The following TLN2 variants were observed in gnomAD, a reference collection of about 807,000 sequenced individuals.
TLN2 encodes the protein talin 2.
TLN2 carries 118 observed loss-of-function variants against 294.7 expected under a neutral mutation model. The ratio of observed to expected loss-of-function variants is 0.40; its 90% confidence interval spans 0.34 to 0.47. TLN2 has a LOEUF of 0.47. TLN2 is among the 20% of genes least tolerant of loss of function. The pLI is 0.84. For missense variants in TLN2, 3,083 were observed against 3,282.2 expected (o/e 0.94, Z 1.48); for synonymous variants, 1,431 against 1,304.5 (o/e 1.10, Z -2.09).
intron 1 of TLN2, among the ~76,000 whole-genome samples, chr15:62,423,013 C>T (rs1370526425): frequency 6.6e-6 from 1 of 152,218 alleles, no homozygotes; most frequent in Non-Finnish European, 1.5e-5. Context: ...CAGTGTAGTG[C>T]AGCCTGCAGC....
chr15:62,504,846 TGAGAGA>T (rs56056575), intron 1 of TLN2, among the ~76,000 whole-genome samples: 455 of 144,434 alleles, frequency 3.2e-3, no homozygotes, highest in African/African-American at 6.4e-3. Context: ...TGTGTGTGTG[TGAGAGA>T]GAGAGAGAGA....
At chr15:62,835,649 C>A in intron 55 of TLN2, 88 bp from the exon 56 acceptor site, 1 of 1,472,950 alleles carries the variant, frequency 6.8e-7, no homozygotes, top group South Asian at 1.1e-5. Context: ...GGGTACAAGT[C>A]TGGTTCCCGA....
intron 1 of TLN2, among the ~76,000 whole-genome samples, chr15:62,422,539 A>C (rs963953364): frequency 6.6e-6 from 1 of 152,198 alleles, no homozygotes; most frequent in Non-Finnish European, 1.5e-5. Flanking sequence ...GCCATTTACT[A>C]TGCAGCTTTT....
At chr15:62,819,405 G>A in intron 52 of TLN2, 111 bp from the exon 53 acceptor site, 1 of 839,772 alleles carries the variant, frequency 1.2e-6, no homozygotes, top group South Asian at 1.5e-5. Flanking sequence ...GGACAGAGAT[G>A]CAACTTAAAA....
At chr15:62,469,495 C>T (rs1026228919) in intron 1 of TLN2, among the ~76,000 whole-genome samples, 1 of 152,192 alleles carries the variant, frequency 6.6e-6, no homozygotes, top group African/African-American at 2.4e-5. Flanking sequence ...TTTAAATTGG[C>T]CCCAGAGGAA....
Position 62,432,995 on chromosome 15 carries a change from A to G in TLN2, c.-238+42310A>G, listed in dbSNP as rs114197176. The stretch of plus-strand genomic sequence containing the variant: ...CATAGTTTCTGAAATAGACCACAGC[A>G]TATGCCACTTGGTTTCTATTTTAAG... On this transcript the variant is annotated intron_variant, in intron 1 of 58. Transcript: ENST00000636159. Among the ~76,000 whole-genome samples the G allele has an allele frequency of 8.3e-3, 1,261 of 152,292 alleles. 16 individuals are homozygous for G. Among genetic ancestry groups the G allele is most frequent in the African/African-American group, 0.029 (1,191 of 41,546 alleles).
At chr15:62,425,337 G>T (rs1220523114) in intron 1 of TLN2, among the ~76,000 whole-genome samples, 1 of 152,156 alleles carries the variant, frequency 6.6e-6, no homozygotes, top group African/African-American at 2.4e-5. Context: ...GCCTGCGGTT[G>T]ATCTCCAGCA....
intron 1 of TLN2, among the ~76,000 whole-genome samples, chr15:62,528,277 G>A (rs1382031887): frequency 2.6e-5 from 4 of 152,082 alleles, no homozygotes; most frequent in Non-Finnish European, 2.9e-5. Context: ...TAATGCTATG[G>A]TAGCCTCCAA....
intron 1 of TLN2, among the ~76,000 whole-genome samples, chr15:62,579,515 G>T (rs1471288321): frequency 6.6e-6 from 1 of 152,164 alleles, no homozygotes; most frequent in South Asian, 2.1e-4. Context: ...GTTGCTGGGG[G>T]CTGAGAAGAC....
chr15:62,568,536 G>T (rs562091596), intron 1 of TLN2, among the ~76,000 whole-genome samples: 1 of 152,224 alleles, frequency 6.6e-6, no homozygotes, highest in African/African-American at 2.4e-5. Context: ...AGCACAGTGC[G>T]TGGCCCATGG....
rs190025758 is a variant in TLN2, at chr15:62,481,641, G to A, written c.-238+90956G>A. The stretch of plus-strand genomic sequence containing the variant: ...CTCCCAAAGTGCTGGGATTACAGGC[G>A]TGAGCCTCTACACCCAGCCAAGAAA... On this transcript the variant is annotated intron_variant, in intron 1 of 58. Transcript: ENST00000636159. Among the ~76,000 whole-genome samples, 15 of 152,076 alleles carry A rather than the reference G, an allele frequency of 9.9e-5. No individual in the cohort carries two copies. In the East Asian group the frequency reaches 1.9e-3, roughly 20 times the overall value.
chr15:62,748,969 A>G (rs1298602742), intron 33 of TLN2, among the ~76,000 whole-genome samples: 2 of 152,344 alleles, frequency 1.3e-5, no homozygotes, highest in African/African-American at 4.8e-5. Context: ...GGCCCAGAAC[A>G]CAGTGTGGGT....
intron 1 of TLN2, among the ~76,000 whole-genome samples, chr15:62,450,601 G>T (rs2036076985): frequency 6.6e-6 from 1 of 151,816 alleles, no homozygotes; most frequent in Non-Finnish European, 1.5e-5. Flanking sequence ...TTGAGACAGG[G>T]TCTGACTTTG....
At chr15:62,524,701 T>A (rs756556733) in intron 1 of TLN2, among the ~76,000 whole-genome samples, 1 of 152,188 alleles carries the variant, frequency 6.6e-6, no homozygotes, top group Non-Finnish European at 1.5e-5. Flanking sequence ...TTCATTCAAA[T>A]TCACAGCTTT....
chr15:62,516,047 T>C (rs1292336995), intron 1 of TLN2, among the ~76,000 whole-genome samples: 3 of 152,180 alleles, frequency 2.0e-5, no homozygotes, highest in Admixed American at 1.3e-4. Context: ...CTGAAGACAT[T>C]TGATTAGTGT....
At chr15:62,642,957 C>T (rs2051315943) in intron 3 of TLN2, among the ~76,000 whole-genome samples, 2 of 152,322 alleles carry the variant, frequency 1.3e-5, no homozygotes, top group Admixed American at 1.3e-4. Flanking sequence ...CCAACTCGGC[C>T]TCCCAAAGTG....
rs1310613739 is a variant in TLN2 at position 62,675,203 on chromosome 15, T to C, written c.853-14T>C. ...AGATGCAATAACTGGTCCCGACCAC[T>C]GTCACTTTTGCAGGAGCATAAGAAC... On this transcript the variant is annotated splice_polypyrimidine_tract_variant and intron_variant, in intron 10 of 58. Coordinates refer to ENST00000636159, the MANE Select transcript of TLN2 (RefSeq NM_015059.3). 9.9e-6 allele frequency: 16 copies of C among 1,613,650 alleles called. No individual in the cohort carries two copies. The Admixed American group carries it at 1.3e-4, about 13-fold the overall frequency.
chr15:62,544,606 C>A (rs1458866253), intron 1 of TLN2, among the ~76,000 whole-genome samples: 1 of 152,170 alleles, frequency 6.6e-6, no homozygotes, highest in Non-Finnish European at 1.5e-5. Context: ...TTTTCATTTC[C>A]TGGAGACCGC....
intron 50 of TLN2, among the ~76,000 whole-genome samples, chr15:62,802,609 A>C (rs1185529217): frequency 6.6e-6 from 1 of 152,210 alleles, no homozygotes; most frequent in Non-Finnish European, 1.5e-5. Context: ...GGATTGCTGG[A>C]TCACAAAGTA....
Sources: allele counts gnomAD v4.1 joint callset (sites outside exome capture counted in the v4.1 genomes callset), GRCh38; gene constraint gnomAD v4.1.1; transcripts MANE v1.5; gene names NCBI Gene and HGNC (gene_info 2026-07-23, HGNC 2026-07-21).